OPCML: variants seen among roughly 807,000 people sequenced by gnomAD.
OPCML encodes the protein opioid binding protein/cell adhesion molecule like.
In OPCML, 13 loss-of-function variants were observed where a neutral mutation model predicts 37.8. That is an observed-to-expected ratio of 0.34 (90% confidence interval 0.22 to 0.55). The LOEUF is 0.55. Among genes scored for constraint, OPCML ranks in the 20% least tolerant of loss-of-function variants. The pLI, the probability that OPCML is intolerant of heterozygous loss-of-function variation, is 0.91. For missense variants in OPCML, 341 were observed against 435.6 expected, an observed-to-expected ratio of 0.78 and a Z score of 1.93; for synonymous variants, 176 against 168.8, an observed-to-expected ratio of 1.04 and a Z score of -0.33.
intron 2 of OPCML, among the ~76,000 whole-genome samples, chr11:132,836,910 C>T (rs1287889000): frequency 6.6e-6 from 1 of 152,050 alleles, no homozygotes; most frequent in African/African-American, 2.4e-5. Flanking sequence ...CATTTGATAA[C>T]CAGTGATCCT....
intron 1 of OPCML, among the ~76,000 whole-genome samples, chr11:133,153,461 G>A (rs1185695629): frequency 6.6e-5 from 10 of 152,150 alleles, no homozygotes; most frequent in Admixed American, 1.3e-4. Context: ...CGGGAGGACG[G>A]CTCTCAGAGC....
chr11:133,021,828 A>G (rs4936180), intron 1 of OPCML, among the ~76,000 whole-genome samples: 100,941 of 152,032 alleles, frequency 0.66, 34,049 homozygotes, highest in East Asian at 0.81. Context: ...CGTTGGCATC[A>G]GGGGACATTT....
At chr11:132,784,686 A>C (rs961163386) in intron 2 of OPCML, among the ~76,000 whole-genome samples, 1 of 152,058 alleles carries the variant, frequency 6.6e-6, no homozygotes, top group African/African-American at 2.4e-5. Flanking sequence ...TCATGAATGA[A>C]TTGTTGCTGT....
intron 1 of OPCML, among the ~76,000 whole-genome samples, chr11:133,104,902 C>T (rs1949135262): frequency 6.6e-6 from 1 of 152,142 alleles, no homozygotes; most frequent in African/African-American, 2.4e-5. Flanking sequence ...AATAATTTTC[C>T]TATAAAGGTC....
intron 1 of OPCML, among the ~76,000 whole-genome samples, chr11:133,034,646 A>G (rs2136931392): frequency 6.6e-6 from 1 of 152,320 alleles, no homozygotes; most frequent in African/African-American, 2.4e-5. Flanking sequence ...GAATGAAAAT[A>G]ACTACAGTAC....
At chr11:132,787,731 G>A (rs1007736194) in intron 2 of OPCML, among the ~76,000 whole-genome samples, 1 of 152,014 alleles carries the variant, frequency 6.6e-6, no homozygotes, top group Admixed American at 6.5e-5. Context: ...ATAGCCTTGG[G>A]TCCTCTTCTC....
At chr11:132,950,145 G>A (rs1190392555) in intron 1 of OPCML, among the ~76,000 whole-genome samples, 1 of 152,204 alleles carries the variant, frequency 6.6e-6, no homozygotes, top group Non-Finnish European at 1.5e-5. Context: ...GTGCGATAAC[G>A]TTGGAGACAT....
At chr11:132,962,913 C>T (rs557882025) in intron 1 of OPCML, among the ~76,000 whole-genome samples, 1 of 152,336 alleles carries the variant, frequency 6.6e-6, no homozygotes, top group Non-Finnish European at 1.5e-5. Context: ...AGCCTGCCTT[C>T]CCCCAGTAGA....
chr11:132,879,842 A>G, intron 2 of OPCML, among the ~76,000 whole-genome samples: 1 of 152,246 alleles, frequency 6.6e-6, no homozygotes, highest in East Asian at 1.9e-4. Flanking sequence ...GGAAAACAAA[A>G]AAAATACAAA....
intron 2 of OPCML, among the ~76,000 whole-genome samples, chr11:132,745,784 G>A (rs1431560100): frequency 6.6e-6 from 1 of 152,090 alleles, no homozygotes; most frequent in African/African-American, 2.4e-5. Flanking sequence ...GTGTCTATGA[G>A]ACCCTGGTTA....
At chr11:133,519,711 T>A (rs2120689796) in intron 1 of OPCML, among the ~76,000 whole-genome samples, 1 of 152,310 alleles carries the variant, frequency 6.6e-6, no homozygotes, top group Non-Finnish European at 1.5e-5. Context: ...CAGGCACACA[T>A]GCTGCAATGG....
At chr11:132,935,042 G>T (rs1395295914) in intron 2 of OPCML, among the ~76,000 whole-genome samples, 1 of 151,988 alleles carries the variant, frequency 6.6e-6, no homozygotes, top group Non-Finnish European at 1.5e-5. Context: ...AGGAGGCTGA[G>T]GCAGGAGAAT....
chr11:133,140,925 C>A (rs1261649702), intron 1 of OPCML, among the ~76,000 whole-genome samples: 330 of 5,156 alleles, frequency 0.064, 65 homozygotes, highest in African/African-American at 0.088. Context: ...AAGAAGACGA[C>A]GACGACGAAG....
chr11:133,240,310 C>T (rs551594875), intron 1 of OPCML, among the ~76,000 whole-genome samples: 15 of 150,996 alleles, frequency 9.9e-5, no homozygotes, highest in African/African-American at 2.4e-4. Flanking sequence ...TTGTATTTAT[C>T]GTCCCTCAAC....
chr11:133,455,089 C>T (rs1015967373), intron 1 of OPCML, among the ~76,000 whole-genome samples: 3 of 152,058 alleles, frequency 2.0e-5, no homozygotes, highest in Admixed American at 6.5e-5. Context: ...GCTCATTAAT[C>T]GAAGCTCCAA....
At chr11:133,469,604 C>A (rs1052235635) in intron 1 of OPCML, among the ~76,000 whole-genome samples, 1 of 152,196 alleles carries the variant, frequency 6.6e-6, no homozygotes, top group African/African-American at 2.4e-5. Flanking sequence ...CAATTGTTTT[C>A]TCTTCACAAC....
chr11:133,068,311 CT>C (rs555730098), intron 1 of OPCML, among the ~76,000 whole-genome samples: 4 of 152,294 alleles, frequency 2.6e-5, no homozygotes, highest in East Asian at 1.9e-4. Context: ...TTAAACTCTG[CT>C]TTTTTTCCTT....
At chr11:133,101,658 T>C (rs976948322) in intron 1 of OPCML, among the ~76,000 whole-genome samples, 1 of 152,212 alleles carries the variant, frequency 6.6e-6, no homozygotes, top group African/African-American at 2.4e-5. Context: ...GAAGACAGTT[T>C]GGCAATTACA....
At chr11:133,311,878 T>C (rs1016744691) in intron 1 of OPCML, among the ~76,000 whole-genome samples, 1 of 152,112 alleles carries the variant, frequency 6.6e-6, no homozygotes, top group African/African-American at 2.4e-5. Flanking sequence ...GACAGAAGTG[T>C]CACAGTGCTT....
Sources: gnomAD v4.1 joint callset for allele counts (sites outside exome capture counted in the v4.1 genomes callset) on GRCh38, gnomAD v4.1.1 for gene constraint, MANE v1.5 for transcripts, NCBI Gene and HGNC (gene_info 2026-07-23, HGNC 2026-07-21) for gene names.